CTNNA2: variants seen among roughly 807,000 people sequenced by gnomAD.
CTNNA2 encodes catenin alpha-2.
CTNNA2 carries 42 observed loss-of-function variants against 101.0 expected under a neutral mutation model. The ratio of observed to expected loss-of-function variants is 0.42; its 90% CI spans 0.32 to 0.54. The LOEUF is 0.54. Ranked by LOEUF, CTNNA2 falls within the 20% of genes least tolerant of loss-of-function variation. CTNNA2 has a pLI of 0.14. For synonymous variants in CTNNA2, 450 were observed against 456.4 expected (o/e 0.99, Z 0.18); for missense variants, 871 against 1,223.1 (o/e 0.71, Z 4.29).
At chr2:80,569,633 G>GTTTT (rs70940088) in intron 12 of CTNNA2, among the ~76,000 whole-genome samples, 564 of 51,692 alleles carry the variant, frequency 0.011, 125 homozygotes, top group East Asian at 0.025. Flanking sequence ...GGGTATTTAG[G>GTTTT]TTTTTTTTTT....
At chr2:79,394,058 A>G (rs986363165) in intron 4 of CTNNA2, among the ~76,000 whole-genome samples, 5 of 151,956 alleles carry the variant, frequency 3.3e-5, no homozygotes, top group Non-Finnish European at 7.4e-5. Context: ...CTTTGCACTC[A>G]TGATTAACGT....
chr2:79,481,505 AC>A (rs1671110432), intron 4 of CTNNA2, among the ~76,000 whole-genome samples: 1 of 152,188 alleles, frequency 6.6e-6, no homozygotes, highest in Admixed American at 6.5e-5. Flanking sequence ...AGTTTACAAT[AC>A]TGTAATGTGT....
intron 6 of CTNNA2, among the ~76,000 whole-genome samples, chr2:79,876,830 T>TG (rs1683059053): frequency 1.3e-5 from 2 of 152,150 alleles, no homozygotes; most frequent in Admixed American, 6.5e-5. Context: ...AGGTTTTTTT[T>TG]TTGTTGTTGT....
At chr2:79,790,635 C>T (rs751814597) in intron 3 of CTNNA2, among the ~76,000 whole-genome samples, 2 of 152,050 alleles carry the variant, frequency 1.3e-5, no homozygotes, top group Non-Finnish European at 2.9e-5. Flanking sequence ...GAATGTAAGG[C>T]CAGAGAATAA....
At chr2:79,938,064 A>G (rs1254877148) in intron 7 of CTNNA2, among the ~76,000 whole-genome samples, 1 of 152,184 alleles carries the variant, frequency 6.6e-6, no homozygotes, top group Non-Finnish European at 1.5e-5. Context: ...GTTAAATTAG[A>G]AAACACATGG....
chr2:79,510,062 A>G (rs924159115), upstream of CTNNA2, among the ~76,000 whole-genome samples: 1 of 152,232 alleles, frequency 6.6e-6, no homozygotes. Flanking sequence ...TAAGATGCCA[A>G]TATTGGCTTG....
chr2:80,499,090 CATA>C (rs1475492145), intron 9 of CTNNA2, among the ~76,000 whole-genome samples: 8 of 152,174 alleles, frequency 5.3e-5, no homozygotes, highest in Non-Finnish European at 1.5e-5. Flanking sequence ...GGGCTGTCTC[CATA>C]ATATTTCCCT....
At chr2:80,606,385 C>T (rs1332077045) in intron 16 of CTNNA2, among the ~76,000 whole-genome samples, 2 of 112,458 alleles carry the variant, frequency 1.8e-5, no homozygotes, top group East Asian at 2.7e-4. Context: ...CACACACACA[C>T]ACACACACAC....
At chr2:80,416,122 T>C (rs1248122098) in intron 8 of CTNNA2, among the ~76,000 whole-genome samples, 3 of 152,022 alleles carry the variant, frequency 2.0e-5, no homozygotes, top group African/African-American at 7.2e-5. Flanking sequence ...GAATAAGCTA[T>C]GAGAATCTAA....
At chr2:79,394,061 A>G (rs1399437945) in intron 4 of CTNNA2, among the ~76,000 whole-genome samples, 1 of 151,882 alleles carries the variant, frequency 6.6e-6, no homozygotes, top group African/African-American at 2.4e-5. Flanking sequence ...TGCACTCATG[A>G]TTAACGTGGG....
chr2:79,799,163 G>A (rs1328961296), intron 3 of CTNNA2, among the ~76,000 whole-genome samples: 3 of 148,322 alleles, frequency 2.0e-5, no homozygotes, highest in Admixed American at 1.3e-4. Flanking sequence ...GTTATAATTC[G>A]ATGCAGTCTC....
At chr2:79,857,937 C>G in intron 3 of CTNNA2, 76 bp from the exon 4 acceptor site, 2 of 1,426,170 alleles carry the variant, frequency 1.4e-6, no homozygotes, top group Non-Finnish European at 9.7e-7. Context: ...CAGTAATTGT[C>G]CATTCACAGA....
intron 3 of CTNNA2, among the ~76,000 whole-genome samples, chr2:79,814,605 G>A (rs201294343): frequency 4.4e-5 from 5 of 112,592 alleles, no homozygotes; most frequent in Non-Finnish European, 8.4e-5. Context: ...ATATATGTGT[G>A]TATACACACA....
chr2:79,766,203 A>G (rs1161987403), intron 3 of CTNNA2, among the ~76,000 whole-genome samples: 2 of 152,186 alleles, frequency 1.3e-5, no homozygotes, highest in Admixed American at 1.3e-4. Context: ...CATGTCTTGT[A>G]GGACAGGTCT....
intron 4 of CTNNA2, among the ~76,000 whole-genome samples, chr2:79,460,058 C>A (rs1363868299): frequency 6.6e-6 from 1 of 152,032 alleles, no homozygotes; most frequent in Non-Finnish European, 1.5e-5. Flanking sequence ...TGTCATCTTT[C>A]CAGGTAGTAA....
At chr2:79,289,533 G>A (rs527569569) in intron 2 of CTNNA2, among the ~76,000 whole-genome samples, 235 of 152,018 alleles carry the variant, frequency 1.5e-3, no homozygotes, top group Admixed American at 2.8e-3. Flanking sequence ...AGGCCGAGGC[G>A]GGTGTTGGTC....
At chr2:79,237,959 G>T (rs115796601) in intron 2 of CTNNA2, among the ~76,000 whole-genome samples, 2 of 151,990 alleles carry the variant, frequency 1.3e-5, no homozygotes, top group Non-Finnish European at 2.9e-5. Flanking sequence ...CCATTTGTTC[G>T]TTCACTGGAG....
chr2:80,635,104 T>A (rs1672736988), intron 18 of CTNNA2, among the ~76,000 whole-genome samples: 1 of 152,126 alleles, frequency 6.6e-6, no homozygotes, highest in Non-Finnish European at 1.5e-5. Flanking sequence ...GATAATAGAA[T>A]GGTTACAACT....
intron 7 of CTNNA2, among the ~76,000 whole-genome samples, chr2:79,946,935 C>T (rs533046019): frequency 3.9e-5 from 6 of 152,268 alleles, no homozygotes; most frequent in South Asian, 2.1e-4. Flanking sequence ...AGACAGACAT[C>T]GTTATGTTCT....
Sources: allele counts gnomAD v4.1 joint callset (sites outside exome capture counted in the v4.1 genomes callset), GRCh38; gene constraint gnomAD v4.1.1; transcripts MANE v1.5; gene names NCBI Gene and HGNC (gene_info 2026-07-23, HGNC 2026-07-21).